The following ALPK2 variants were observed in gnomAD, a reference collection of about 807,000 sequenced individuals.
ALPK2 encodes alpha kinase 2, also known as alpha-protein kinase 2.
In ALPK2, 127 loss-of-function variants were observed where a neutral mutation model predicts 163.1. That is an observed-to-expected ratio of 0.78 (90% CI 0.67 to 0.90). ALPK2 has a LOEUF of 0.90. Among genes scored for constraint, ALPK2 ranks in the 40% least tolerant of loss-of-function variants. The probability of loss-of-function intolerance (pLI) is 0.00; values close to 1 mark genes in which losing one functional copy is unlikely to be tolerated. For synonymous variants in ALPK2, 953 were observed against 959.1 expected, an observed-to-expected ratio of 0.99 and a Z score of 0.12; for missense variants, 2,360 against 2,589.6, an observed-to-expected ratio of 0.91 and a Z score of 1.92.
At chr18:58,515,126 T>C (rs756917959) in intron 9 of ALPK2, 45 bp from the exon 10 acceptor site, 1 of 1,458,388 alleles carries the variant, frequency 6.9e-7, no homozygotes, top group East Asian at 2.3e-5. Context: ...CTACAGGAAA[T>C]TCAGACAGTA....
At position 58,516,888 on chromosome 18, in the gene ALPK2, C is replaced by G. The variant is rs1029273124; in HGVS notation, c.5940+20G>C. 1 of 1,608,758 alleles carries G rather than the reference C, an allele frequency of 6.2e-7. No individual in the cohort carries two copies. ...TGGTTCTCACACCAGAAGTGACAGC[C>G]TTTGGGCAGATGGACCCACCTGGGC... is the stretch of plus-strand genomic sequence containing the variant. On this transcript the variant is annotated intron_variant, in intron 9 of 12. Transcript: ENST00000361673.
intron 4 of ALPK2, among the ~76,000 whole-genome samples, chr18:58,556,211 A>T (rs1233389499): frequency 1.3e-5 from 2 of 151,312 alleles, no homozygotes; most frequent in Non-Finnish European, 2.9e-5. Context: ...TGAGGTATGC[A>T]GTGAACAGGT....
intron 1 of ALPK2, among the ~76,000 whole-genome samples, chr18:58,619,547 T>C (rs1041980844): frequency 1.3e-5 from 2 of 152,244 alleles, no homozygotes; most frequent in Non-Finnish European, 2.9e-5. Context: ...CCAATCCTAA[T>C]GTAATATTAC....
intron 3 of ALPK2, among the ~76,000 whole-genome samples, chr18:58,591,265 C>A (rs1206952888): frequency 1.3e-5 from 2 of 152,222 alleles, no homozygotes; most frequent in African/African-American, 4.8e-5. Flanking sequence ...GGAATTGGAA[C>A]TATCTTACAG....
chr18:58,497,023 C>T (rs1489471866), intron 12 of ALPK2, among the ~76,000 whole-genome samples: 1 of 152,218 alleles, frequency 6.6e-6, no homozygotes, highest in Non-Finnish European at 1.5e-5. Flanking sequence ...TTTATCCTCC[C>T]TCACCTATTC....
intron 3 of ALPK2, among the ~76,000 whole-genome samples, chr18:58,588,979 T>C (rs993519082): frequency 1.3e-5 from 2 of 152,234 alleles, no homozygotes; most frequent in Admixed American, 1.3e-4. Context: ...TATGTTTGAA[T>C]ATTTTTAGGA....
At position 58,537,910 on chromosome 18, in the gene ALPK2, A is replaced by C. The variant is rs755833263; in HGVS notation, c.2277T>G (p.His759Gln). 6.2e-7 allele frequency: 1 copy of C among 1,614,152 alleles called. No individual in the cohort carries two copies. The change falls in exon 5 of 13, where the codon CAT (histidine) becomes CAG (glutamine). Residue 759 changes from histidine (H) to glutamine (Q), a missense_variant. Physicochemically the swap from His to Gln is conservative, Grantham distance 24. Coordinates refer to ENST00000361673, the MANE Select transcript of ALPK2 (RefSeq NM_052947.4). Reference protein sequence around the residue: ...ETMSPGVFSRHLPKDARADFR... With the variant: ...ETMSPGVFSRQLPKDARADFR... Reference sequence around the variant, plus strand: ...AGTCAGCACGAGCATCCTTGGGGAGATGCCTTGAGAACACACCTGGGGACA... The same window carrying C: ...AGTCAGCACGAGCATCCTTGGGGAGCTGCCTTGAGAACACACCTGGGGACA...
intron 9 of ALPK2, 130 bp from the exon 10 acceptor site, chr18:58,515,211 G>T: frequency 1.7e-6 from 1 of 602,548 alleles, no homozygotes; most frequent in Non-Finnish European, 2.7e-6. Flanking sequence ...CCCCTGGTTG[G>T]GGTCACAGAG....
At chr18:58,541,884 A>G (rs944425223) in intron 4 of ALPK2, among the ~76,000 whole-genome samples, 4 of 152,236 alleles carry the variant, frequency 2.6e-5, no homozygotes, top group Non-Finnish European at 4.4e-5. Context: ...GAGAAAGGGA[A>G]ACCACAGACT....
At chr18:58,600,827 C>G (rs952290913) in intron 3 of ALPK2, 3 of 152,242 alleles carry the variant, frequency 2.0e-5, no homozygotes, top group African/African-American at 7.2e-5. Flanking sequence ...TGTCTGTTTC[C>G]TGGACACTGG....
At chr18:58,597,017 G>T (rs1337827908) in intron 3 of ALPK2, among the ~76,000 whole-genome samples, 1 of 152,184 alleles carries the variant, frequency 6.6e-6, no homozygotes, top group Non-Finnish European at 1.5e-5. Flanking sequence ...GCCCGGTGCA[G>T]TGGCTCATGC....
chr18:58,599,738 A>G (rs901764529), intron 3 of ALPK2, among the ~76,000 whole-genome samples: 2 of 152,218 alleles, frequency 1.3e-5, no homozygotes, highest in Admixed American at 1.3e-4. Context: ...GCTATTATGT[A>G]TTGAGTATTC....
Position 58,580,437 on chromosome 18 carries a change from CA to C in ALPK2, c.338del (p.Leu113CysfsTer135), listed in dbSNP as rs775430580. Reference protein sequence around the residue: ...EVECSSENPQLSPNLEDDRDR... With the variant: ...EVECSSENPQXSPNLEDDRDR... ...CCCTGTCATCTTCCAGGTTAGGAGA[CA>C]ATTGTGGGTTCTCTGATGAGCACTC... On this transcript the variant is annotated frameshift_variant, in exon 4 of 13. Transcript: ENST00000361673. LOFTEE classifies it high-confidence loss of function. The C allele has an allele frequency of 1.2e-6, 2 of 1,614,172 alleles. No homozygotes were observed. Among genetic ancestry groups the C allele is most frequent in the Admixed American group, 1.7e-5 (1 of 60,028 alleles).
intron 8 of ALPK2, among the ~76,000 whole-genome samples, chr18:58,520,243 C>T (rs1352538361): frequency 6.6e-6 from 1 of 151,850 alleles, no homozygotes; most frequent in Non-Finnish European, 1.5e-5. Flanking sequence ...GCCTGGCCAA[C>T]ATGATGAAAC....
chr18:58,559,740 C>T (rs1056957930), intron 4 of ALPK2, among the ~76,000 whole-genome samples: 6 of 152,148 alleles, frequency 3.9e-5, no homozygotes, highest in Non-Finnish European at 5.9e-5. Context: ...TTCTCTTCCA[C>T]GTCAGATTTT....
chr18:58,623,934 C>CT (rs1284871479), intron 1 of ALPK2, among the ~76,000 whole-genome samples: 2 of 152,184 alleles, frequency 1.3e-5, no homozygotes, highest in Admixed American at 6.5e-5. Context: ...CCATGGCTAA[C>CT]TTTATAACTA....
intron 8 of ALPK2, among the ~76,000 whole-genome samples, chr18:58,520,338 A>G (rs983546882): frequency 6.6e-6 from 1 of 150,598 alleles, no homozygotes; most frequent in African/African-American, 2.4e-5. Flanking sequence ...CTGAGGCAGG[A>G]CAACTGCTTG....
In ALPK2 at chr18:58,612,728, C is replaced by G. The variant is rs1046042074; in HGVS notation, c.-20-911G>C. 2.0e-5 allele frequency among the ~76,000 whole-genome samples: 3 copies of G among 152,232 alleles called. No homozygotes were observed. The East Asian group carries it at 5.8e-4, about 29-fold the overall frequency. On this transcript the variant is annotated intron_variant, in intron 1 of 12. Coordinates refer to ENST00000361673, the MANE Select transcript of ALPK2 (RefSeq NM_052947.4). ...GCAGGTTGGTCTGAATCCAGAGAAC[C>G]CTTTCCTTTCCACGCTACCGCTACC...
At chr18:58,590,928 C>T (rs1298308552) in intron 3 of ALPK2, among the ~76,000 whole-genome samples, 1 of 152,232 alleles carries the variant, frequency 6.6e-6, no homozygotes, top group Admixed American at 6.5e-5. Flanking sequence ...ACCCCTGAGG[C>T]TGCAACACCC....
Sources: allele counts gnomAD v4.1 joint callset (sites outside exome capture counted in the v4.1 genomes callset), GRCh38; gene constraint gnomAD v4.1.1; transcripts MANE v1.5; gene names NCBI Gene and HGNC (gene_info 2026-07-23, HGNC 2026-07-21).